The following SMARCA1 variants were observed in gnomAD, a reference collection of about 807,000 sequenced individuals.
The protein encoded by SMARCA1 is SWI/SNF-related matrix-associated actin-dependent regulator of chromatin subfamily A member 1.
In SMARCA1, 17 loss-of-function variants were observed where a neutral mutation model predicts 93.6. That is an observed-to-expected ratio of 0.18 (90% CI 0.12 to 0.27). The LOEUF (loss-of-function observed/expected upper bound fraction) is 0.27. Ranked by LOEUF, SMARCA1 falls within the 10% of genes least tolerant of loss-of-function variation. The pLI, the probability that SMARCA1 is intolerant of heterozygous loss-of-function variation, is 1.00. For synonymous variants in SMARCA1, 271 were observed against 271.4 expected, an observed-to-expected ratio of 1.00 and a Z score of 0.01; for missense variants, 630 against 819.0, an observed-to-expected ratio of 0.77 and a Z score of 2.82.
At chrX:129,479,897 C>T (rs1167184036) in intron 19 of SMARCA1, among the ~76,000 whole-genome samples, 1 of 111,029 alleles carries the variant, frequency 9.0e-6, no homozygotes, top group African/African-American at 3.3e-5. Flanking sequence ...GGGGTTTTGC[C>T]ATGTTGGCAA....
In SMARCA1 at chrX:129,512,691, T is replaced by G. The variant is rs147727962; in HGVS notation, c.631-708A>C. On this transcript the variant is annotated intron_variant, in intron 5 of 24. Coordinates refer to ENST00000371121, the MANE Select transcript of SMARCA1 (RefSeq NM_001282874.2). ...ATATATACTTCTTTTTATAAATGTCTGCTTAAAGCTATTTTTTTATTGTAT... is the reference window on the plus strand; with the variant it reads ...ATATATACTTCTTTTTATAAATGTCGGCTTAAAGCTATTTTTTTATTGTAT... Among the ~76,000 whole-genome samples the G allele has an allele frequency of 7.3e-3, 821 of 112,514 alleles. 2 individuals are homozygous for G. The highest frequency in any genetic ancestry group is 0.013 in the Non-Finnish European group (667 of 53,338).
At chrX:129,486,937 G>GGTAA (rs1409106318) in intron 17 of SMARCA1, 81 bp downstream of exon 17, 3 of 773,391 alleles carry the variant, frequency 3.9e-6, no homozygotes, top group Non-Finnish European at 5.6e-6. Flanking sequence ...TATTATAATA[G>GGTAA]GTAAGTGCCA....
At chrX:129,486,835 T>TGAC (rs1556303915) in intron 17 of SMARCA1, among the ~76,000 whole-genome samples, 183 bp downstream of exon 17, 1,142 of 109,950 alleles carry the variant, frequency 0.01, 19 homozygotes, top group African/African-American at 0.036. Flanking sequence ...ATGATGATGA[T>TGAC]GACGACGACG....
At chrX:129,508,162 C>G in intron 6 of SMARCA1, 66 bp from the exon 7 acceptor site, 1 of 654,624 alleles carries the variant, frequency 1.5e-6, no homozygotes, top group Non-Finnish European at 2.2e-6. Flanking sequence ...AAGATGATCA[C>G]AGAATTAAAA....
chrX:129,505,979 T>C (rs1934793820), intron 8 of SMARCA1, 101 bp downstream of exon 8: 1 of 671,315 alleles, frequency 1.5e-6, no homozygotes, highest in South Asian at 4.2e-5. Flanking sequence ...AGATAAAAAA[T>C]TACAAATTAA....
chrX:129,482,924 A>C (rs920952622), intron 17 of SMARCA1, among the ~76,000 whole-genome samples: 1 of 111,890 alleles, frequency 8.9e-6, no homozygotes, highest in Admixed American at 9.5e-5. Flanking sequence ...ATCGTATTTT[A>C]AGAGTGGATA....
intron 19 of SMARCA1, among the ~76,000 whole-genome samples, chrX:129,472,473 T>C (rs1933171775): frequency 9.0e-6 from 1 of 111,470 alleles, no homozygotes; most frequent in Non-Finnish European, 1.9e-5. Flanking sequence ...TGGAACTATA[T>C]CATTGTAACT....
At chrX:129,502,792 G>A (rs909187510) in intron 9 of SMARCA1, among the ~76,000 whole-genome samples, 3 of 111,501 alleles carry the variant, frequency 2.7e-5, no homozygotes, top group Admixed American at 9.6e-5. Flanking sequence ...TTACACTTAG[G>A]GAAAAGACCC....
chrX:129,495,964 G>A (rs941124672), intron 12 of SMARCA1, among the ~76,000 whole-genome samples: 1 of 103,845 alleles, frequency 9.6e-6, no homozygotes, highest in Non-Finnish European at 2.0e-5. Flanking sequence ...ACGACATTAA[G>A]TGAGGACTTG....
intron 23 of SMARCA1, among the ~76,000 whole-genome samples, chrX:129,461,642 T>C (rs189896947): frequency 8.9e-6 from 1 of 112,124 alleles, no homozygotes; most frequent in Non-Finnish European, 1.9e-5. Flanking sequence ...AAAGTATTAC[T>C]TCCTCTTATG....
At chrX:129,501,003 A>G (rs1934537434) in intron 9 of SMARCA1, among the ~76,000 whole-genome samples, 1 of 112,623 alleles carries the variant, frequency 8.9e-6, no homozygotes, top group African/African-American at 3.2e-5. Context: ...ATAGTGCTAC[A>G]ATCTATAGAG....
Position 129,480,797 on chromosome X carries a change from T to A in SMARCA1, c.2346A>T (p.Lys782Asn). ...PKIPKAPRPP[K>N]QPNVQDFQFF... is the part of the protein sequence containing the mutation. ...ATTGAAAATCCTGAACATTTGGCTGTTTTGGAGGCCGTGGAGCCTATGAGG... is the reference window on the plus strand; with the variant it reads ...ATTGAAAATCCTGAACATTTGGCTGATTTGGAGGCCGTGGAGCCTATGAGG... The change falls in exon 19 of 25, where the codon AAA (lysine) becomes AAT (asparagine). Residue 782 changes from lysine to asparagine, a missense_variant. By Grantham distance (94) the Lys-to-Asn change is moderately conservative. This residue lies in a region of SMARCA1 where 382 missense variants were observed against 537.9 expected (regional missense o/e 0.71). Coordinates refer to ENST00000371121, the MANE Select transcript of SMARCA1 (RefSeq NM_001282874.2). 1 of 1,154,709 alleles carries A rather than the reference T, an allele frequency of 8.7e-7. No homozygotes were observed. The highest frequency in any genetic ancestry group is 1.2e-6 in the Non-Finnish European group (1 of 867,730).
In SMARCA1 at chrX:129,500,123, T is replaced by TA. The variant is rs61313042; in HGVS notation, c.1168-283dup. Among the ~76,000 whole-genome samples the TA allele has an allele frequency of 4.7e-3, 408 of 87,411 alleles. 2 individuals are homozygous for TA. The highest frequency in any genetic ancestry group is 0.01 in the African/African-American group (246 of 23,726). 75.9% of individuals were successfully genotyped at this position (87,411 alleles called of 115,157 possible). On this transcript the variant is annotated intron_variant, in intron 9 of 24. Coordinates refer to ENST00000371121, the MANE Select transcript of SMARCA1 (RefSeq NM_001282874.2). Reference sequence around the variant, plus strand: ...TGCTGAATAAGCACCAAAGAACCCTTAAAAAAAAAAAAAAAAGAAGCTGCT... The same window carrying TA: ...TGCTGAATAAGCACCAAAGAACCCTTAAAAAAAAAAAAAAAAAGAAGCTGCT...
chrX:129,465,753 G>T (rs768545123), intron 22 of SMARCA1, 21 bp from the exon 23 acceptor site: 1 of 1,108,230 alleles, frequency 9.0e-7, no homozygotes, highest in African/African-American at 1.8e-5. Context: ...AAACAAAATA[G>T]TGCTTTTAAT....
intron 1 of SMARCA1, among the ~76,000 whole-genome samples, chrX:129,520,412 C>T (rs1169125495): frequency 3.6e-5 from 4 of 110,954 alleles, no homozygotes; most frequent in Non-Finnish European, 3.8e-5. Context: ...TAAGCAAAAA[C>T]ACCTTTGAGT....
At chrX:129,450,480 C>T (rs1435721053) in intron 23 of SMARCA1, among the ~76,000 whole-genome samples, 1 of 112,165 alleles carries the variant, frequency 8.9e-6, no homozygotes, top group Non-Finnish European at 1.9e-5. Flanking sequence ...TTCTTGAAAG[C>T]AAATTTGACA....
intron 9 of SMARCA1, among the ~76,000 whole-genome samples, chrX:129,502,942 A>G (rs1376281402): frequency 8.9e-6 from 1 of 112,257 alleles, no homozygotes; most frequent in Non-Finnish European, 1.9e-5. Flanking sequence ...GATGAGATCA[A>G]GGATTCACAT....
intron 23 of SMARCA1, among the ~76,000 whole-genome samples, 166 bp downstream of exon 23, chrX:129,465,354 C>G (rs905468623): frequency 2.2e-4 from 24 of 111,077 alleles, no homozygotes; most frequent in South Asian, 3.8e-4. Flanking sequence ...AGATTCTGCA[C>G]GTATATATAG....
intron 23 of SMARCA1, among the ~76,000 whole-genome samples, chrX:129,449,030 TA>T (rs1392636782): frequency 1.8e-5 from 2 of 110,741 alleles, no homozygotes; most frequent in African/African-American, 6.6e-5. Flanking sequence ...ACAAGCTCTA[TA>T]GATTACACGA....
Sources: allele counts gnomAD v4.1 joint callset (sites outside exome capture counted in the v4.1 genomes callset), GRCh38; gene constraint gnomAD v4.1.1; regional missense constraint gnomAD v4.1.1; transcripts MANE v1.5; gene names NCBI Gene and HGNC (gene_info 2026-07-23, HGNC 2026-07-21).